Variants in NLGN1 observed in about 807,000 individuals in gnomAD.
NLGN1 encodes the protein neuroligin-1.
Under a neutral mutation model 65.5 loss-of-function variants are expected in NLGN1, and 12 were observed. The observed-to-expected ratio is 0.18, with a 90% CI of 0.12 to 0.30. NLGN1 has a LOEUF of 0.30. Among genes scored for constraint, NLGN1 ranks in the 10% least tolerant of loss-of-function variants. NLGN1 has a pLI of 1.00. For synonymous variants in NLGN1, 350 were observed against 359.5 expected, an observed-to-expected ratio of 0.97 and a Z score of 0.30; for missense variants, 750 against 1,007.1, an observed-to-expected ratio of 0.74 and a Z score of 3.46.
intron 4 of NLGN1, among the ~76,000 whole-genome samples, chr3:173,822,570 C>A (rs1438323836): frequency 1.3e-5 from 2 of 151,992 alleles, no homozygotes; most frequent in Non-Finnish European, 2.9e-5. Flanking sequence ...GAATTAGATC[C>A]TTATTATGTA....
intron 4 of NLGN1, among the ~76,000 whole-genome samples, chr3:173,916,147 A>G (rs974312845): frequency 4.6e-5 from 7 of 152,180 alleles, no homozygotes; most frequent in African/African-American, 1.7e-4. Context: ...TGTTATATAA[A>G]CTAGCACAGT....
intron 4 of NLGN1, among the ~76,000 whole-genome samples, chr3:174,172,161 T>TA (rs1728666769): frequency 6.6e-6 from 1 of 152,082 alleles, no homozygotes; most frequent in Non-Finnish European, 1.5e-5. Context: ...ATCATAGTCA[T>TA]ATGTCATATG....
chr3:173,408,075 G>GT (rs202156418), intron 1 of NLGN1, among the ~76,000 whole-genome samples: 14 of 151,794 alleles, frequency 9.2e-5, no homozygotes, highest in East Asian at 3.9e-4. Context: ...TATCATTTTT[G>GT]TTTTTTTTGA....
chr3:173,460,714 G>C (rs531550734), intron 2 of NLGN1, among the ~76,000 whole-genome samples: 1 of 152,232 alleles, frequency 6.6e-6, no homozygotes, highest in East Asian at 1.9e-4. Context: ...GGCCCAGAAA[G>C]AAGTTGGGTC....
chr3:173,570,324 A>G (rs1011400843), intron 2 of NLGN1, among the ~76,000 whole-genome samples: 4 of 152,218 alleles, frequency 2.6e-5, no homozygotes, highest in African/African-American at 9.6e-5. Flanking sequence ...TTGAAAAGCC[A>G]CAAGTAGCGC....
intron 3 of NLGN1, among the ~76,000 whole-genome samples, chr3:173,609,538 C>G (rs530281591): frequency 2.0e-5 from 3 of 151,814 alleles, no homozygotes; most frequent in Non-Finnish European, 4.4e-5. Context: ...AACAATGACT[C>G]CTAGTACTGT....
intron 3 of NLGN1, among the ~76,000 whole-genome samples, chr3:173,643,453 A>G (rs1757724014): frequency 6.6e-6 from 1 of 152,252 alleles, no homozygotes; most frequent in Non-Finnish European, 1.5e-5. Context: ...CTAGGCATAC[A>G]GAAGAAGATA....
At chr3:173,703,362 T>C (rs1767550587) in intron 3 of NLGN1, among the ~76,000 whole-genome samples, 1 of 152,186 alleles carries the variant, frequency 6.6e-6, no homozygotes, top group Admixed American at 6.5e-5. Context: ...GCATCATTAA[T>C]TTTAAATAAT....
At chr3:173,728,997 A>G (rs1324327990) in intron 3 of NLGN1, among the ~76,000 whole-genome samples, 1 of 152,094 alleles carries the variant, frequency 6.6e-6, no homozygotes. Flanking sequence ...AACCATCAGT[A>G]TGTGCTAGAC....
At chr3:173,534,922 T>G (rs1390582059) in intron 2 of NLGN1, among the ~76,000 whole-genome samples, 1 of 152,212 alleles carries the variant, frequency 6.6e-6, no homozygotes, top group African/African-American at 2.4e-5. Context: ...AAATTCAAAT[T>G]TCCTTAACTA....
chr3:173,602,177 G>T (rs1255763351), intron 2 of NLGN1, among the ~76,000 whole-genome samples: 1 of 152,024 alleles, frequency 6.6e-6, no homozygotes, highest in East Asian at 1.9e-4. Flanking sequence ...GGTTGTAAAT[G>T]AGACATAAAT....
chr3:174,185,269 A>G (rs1561241143), intron 4 of NLGN1, among the ~76,000 whole-genome samples: 1 of 152,074 alleles, frequency 6.6e-6, no homozygotes, highest in Non-Finnish European at 1.5e-5. Flanking sequence ...TGTAATCTTT[A>G]TCCCACCAGT....
chr3:173,829,753 G>A (rs1374362476), intron 4 of NLGN1, among the ~76,000 whole-genome samples: 6 of 152,114 alleles, frequency 3.9e-5, no homozygotes, highest in Non-Finnish European at 8.8e-5. Flanking sequence ...GAATTTACCT[G>A]ATTTGTTCTC....
chr3:173,988,240 A>G (rs1264153520), intron 4 of NLGN1, among the ~76,000 whole-genome samples: 1 of 152,144 alleles, frequency 6.6e-6, no homozygotes, highest in Non-Finnish European at 1.5e-5. Context: ...GGGGACTAGA[A>G]TTGGGGCCTA....
chr3:174,288,385 A>G (rs532610412), downstream of NLGN1, among the ~76,000 whole-genome samples: 1 of 151,488 alleles, frequency 6.6e-6, no homozygotes, highest in Non-Finnish European at 1.5e-5. Flanking sequence ...CCACAACCTC[A>G]ACATGTAATT....
chr3:173,726,266 C>T (rs1431567107), intron 3 of NLGN1, among the ~76,000 whole-genome samples: 2 of 151,592 alleles, frequency 1.3e-5, no homozygotes, highest in East Asian at 3.9e-4. Flanking sequence ...AAATTTTGGT[C>T]TTCATCTTGG....
intron 2 of NLGN1, among the ~76,000 whole-genome samples, chr3:173,593,647 C>T (rs1484953056): frequency 3.3e-5 from 5 of 152,128 alleles, no homozygotes; most frequent in Non-Finnish European, 7.4e-5. Flanking sequence ...GGAAGGCATT[C>T]TCCAGGAAGA....
intron 4 of NLGN1, among the ~76,000 whole-genome samples, chr3:174,109,595 C>A (rs1159605838): frequency 6.6e-6 from 1 of 151,780 alleles, no homozygotes; most frequent in Admixed American, 6.6e-5. Context: ...CTATATCTGA[C>A]CTTATAACTC....
At chr3:173,581,263 TA>T (rs1479338150) in intron 2 of NLGN1, among the ~76,000 whole-genome samples, 1 of 152,064 alleles carries the variant, frequency 6.6e-6, no homozygotes, top group East Asian at 1.9e-4. Context: ...TTGCATGGAT[TA>T]TGAAATATAA....
Sources: allele counts gnomAD v4.1 joint callset (sites outside exome capture counted in the v4.1 genomes callset), GRCh38; gene constraint gnomAD v4.1.1; transcripts MANE v1.5; gene names NCBI Gene and HGNC (gene_info 2026-07-23, HGNC 2026-07-21).